Variants in FIGN observed in about 807,000 individuals in gnomAD.
The protein encoded by FIGN is fidgetin, microtubule severing factor, also known as fidgetin.
FIGN carries 11 observed loss-of-function variants against 51.3 expected under a neutral mutation model. That is an observed-to-expected ratio of 0.21 (90% CI 0.13 to 0.35). The LOEUF (loss-of-function observed/expected upper bound fraction) is 0.35, where lower values mean the gene tolerates loss of function less well. Among genes scored for constraint, FIGN ranks in the 10% least tolerant of loss-of-function variants. FIGN has a pLI of 1.00. For synonymous variants in FIGN, 407 were observed against 363.2 expected (o/e 1.12, Z -1.37); for missense variants, 857 against 943.6 (o/e 0.91, Z 1.20).
chr2:163,710,832 T>C (rs1306241624), intron 2 of FIGN, among the ~76,000 whole-genome samples: 2 of 152,130 alleles, frequency 1.3e-5, no homozygotes, highest in East Asian at 3.9e-4. Context: ...AATAACTTAC[T>C]TGTTGGTAAA....
intron 2 of FIGN, among the ~76,000 whole-genome samples, chr2:163,628,453 G>A (rs1683092262): frequency 6.6e-6 from 1 of 152,148 alleles, no homozygotes; most frequent in South Asian, 2.1e-4. Flanking sequence ...TATGCATGGG[G>A]GGACCAGATA....
intron 2 of FIGN, among the ~76,000 whole-genome samples, chr2:163,613,896 C>T (rs928342419): frequency 1.3e-5 from 2 of 152,138 alleles, no homozygotes. Flanking sequence ...CTGAATGCTG[C>T]ACAGTGTAAC....
intron 2 of FIGN, among the ~76,000 whole-genome samples, chr2:163,652,616 T>A (rs986176027): frequency 1.3e-5 from 2 of 152,148 alleles, no homozygotes; most frequent in Non-Finnish European, 2.9e-5. Flanking sequence ...AACCAGCATA[T>A]GTTCTGCTAA....
At chr2:163,690,089 A>G (rs1017014834) in intron 2 of FIGN, among the ~76,000 whole-genome samples, 1 of 152,148 alleles carries the variant, frequency 6.6e-6, no homozygotes, top group African/African-American at 2.4e-5. Flanking sequence ...CATAAATCAG[A>G]TGGTCAAATT....
intron 2 of FIGN, among the ~76,000 whole-genome samples, chr2:163,683,538 G>A (rs888006491): frequency 6.6e-6 from 1 of 152,180 alleles, no homozygotes; most frequent in African/African-American, 2.4e-5. Flanking sequence ...TAAACGGAGA[G>A]AAAGGAGACA....
chr2:163,691,240 T>C (rs909364637), intron 2 of FIGN, among the ~76,000 whole-genome samples: 2 of 152,102 alleles, frequency 1.3e-5, no homozygotes, highest in African/African-American at 4.8e-5. Flanking sequence ...GCACACTGTT[T>C]GTAAAATCTT....
intron 2 of FIGN, among the ~76,000 whole-genome samples, chr2:163,722,356 C>G (rs1201486204): frequency 6.6e-6 from 1 of 152,110 alleles, no homozygotes; most frequent in Admixed American, 6.5e-5. Context: ...TGCAAACTGC[C>G]TATTTATCAG....
intron 2 of FIGN, among the ~76,000 whole-genome samples, chr2:163,657,500 CTGTGTGTGTG>C (rs72033079): frequency 0.02 from 3,021 of 147,528 alleles, 97 homozygotes; most frequent in African/African-American, 0.07. Flanking sequence ...CAGAGGGAGT[CTGTGTGTGTG>C]TGTGTGTGTG....
chr2:163,722,691 C>G (rs1440418227), intron 2 of FIGN, among the ~76,000 whole-genome samples: 1 of 151,832 alleles, frequency 6.6e-6, no homozygotes, highest in Non-Finnish European at 1.5e-5. Flanking sequence ...TCTAGAGATA[C>G]AAAAATAGAA....
intron 2 of FIGN, chr2:163,612,323 G>T (rs1691282582): frequency 1.0e-6 from 1 of 985,202 alleles, no homozygotes; most frequent in Non-Finnish European, 1.2e-6. Context: ...ATCACATCTA[G>T]GATACCTCTC....
chr2:163,655,437 T>C (rs557421977), intron 2 of FIGN, among the ~76,000 whole-genome samples: 1 of 152,136 alleles, frequency 6.6e-6, no homozygotes, highest in Non-Finnish European at 1.5e-5. Context: ...ATGACAGGTT[T>C]TCAATTGACA....
rs1326554781 is a variant in FIGN, at chr2:163,605,342, C to T, written c.*4210G>A. On this transcript the variant is annotated 3_prime_UTR_variant, in exon 3 of 3. Coordinates refer to ENST00000333129, the MANE Select transcript of FIGN (RefSeq NM_018086.4). ...CTTCAGTTCATGTGTTGGTTAGTCA[C>T]AAGTACAGCTGGTTGTGAATTCTGA... is the stretch of plus-strand genomic sequence containing the variant. 2 of 152,086 alleles carry T rather than the reference C, an allele frequency of 1.3e-5. No homozygotes were observed. The highest frequency in any genetic ancestry group is 3.9e-4 in the East Asian group (2 of 5,172). 9.4% of individuals were successfully genotyped at this position (152,086 alleles called of 1,614,324 possible).
chr2:163,618,418 T>G (rs1053620018), intron 2 of FIGN, among the ~76,000 whole-genome samples: 1 of 151,972 alleles, frequency 6.6e-6, no homozygotes, highest in Non-Finnish European at 1.5e-5. Flanking sequence ...ACAATGCTTT[T>G]TTTTTTTTAA....
intron 2 of FIGN, among the ~76,000 whole-genome samples, chr2:163,639,086 CA>C (rs1683268711): frequency 6.6e-6 from 1 of 151,914 alleles, no homozygotes; most frequent in Admixed American, 6.6e-5. Flanking sequence ...ATTTTCGGCA[CA>C]AAAAATAATT....
rs113806489 is a variant in FIGN, at chr2:163,701,852, C to G, written c.25+33051G>C. 7.3e-4 allele frequency among the ~76,000 whole-genome samples: 111 copies of G among 152,240 alleles called. 2 individuals are homozygous for G. Among genetic ancestry groups the G allele is most frequent in the African/African-American group, 2.6e-3 (107 of 41,550 alleles). On this transcript the variant is annotated intron_variant, in intron 2 of 2. Transcript: ENST00000333129. Reference sequence around the variant, plus strand: ...ACATGACACTTGAATCTGATTTCCTCACAATTCAGTATTTGATCAAAGAGC... The same window carrying G: ...ACATGACACTTGAATCTGATTTCCTGACAATTCAGTATTTGATCAAAGAGC...
intron 2 of FIGN, among the ~76,000 whole-genome samples, chr2:163,629,519 C>T (rs1043284472): frequency 6.6e-6 from 1 of 151,676 alleles, no homozygotes; most frequent in Non-Finnish European, 1.5e-5. Context: ...AAAGATGGAG[C>T]GGGGGATTTT....
At chr2:163,634,220 A>C (rs1490349628) in intron 2 of FIGN, among the ~76,000 whole-genome samples, 1 of 152,082 alleles carries the variant, frequency 6.6e-6, no homozygotes, top group Admixed American at 6.6e-5. Context: ...TTAAACATAA[A>C]TAAAGTGACC....
chr2:163,658,750 C>T (rs533698881), intron 2 of FIGN, among the ~76,000 whole-genome samples: 6 of 152,322 alleles, frequency 3.9e-5, no homozygotes, highest in Non-Finnish European at 5.9e-5. Context: ...AATCCAAACA[C>T]CTTTCACTAG....
chr2:163,638,257 A>G (rs1683256265), intron 2 of FIGN, among the ~76,000 whole-genome samples: 1 of 151,782 alleles, frequency 6.6e-6, no homozygotes, highest in East Asian at 1.9e-4. Context: ...AGATCAAGAC[A>G]GAGAATGAGA....
Sources: allele counts gnomAD v4.1 joint callset (sites outside exome capture counted in the v4.1 genomes callset), GRCh38; gene constraint gnomAD v4.1.1; transcripts MANE v1.5; gene names NCBI Gene and HGNC (gene_info 2026-07-23, HGNC 2026-07-21).